The following STX8 variants were observed in gnomAD, a reference collection of about 807,000 sequenced individuals.
STX8 encodes the protein syntaxin 8.
STX8 carries 23 observed loss-of-function variants against 37.5 expected under a neutral mutation model. The ratio of observed to expected loss-of-function variants is 0.61; its 90% confidence interval spans 0.44 to 0.87. STX8 has a LOEUF of 0.87. Ranked by LOEUF, STX8 falls within the 40% of genes least tolerant of loss-of-function variation. The pLI, the probability that STX8 is intolerant of heterozygous loss-of-function variation, is 0.00. For missense variants in STX8, 313 were observed against 284.7 expected (o/e 1.10, Z -0.71); for synonymous variants, 115 against 99.1 (o/e 1.16, Z -0.95).
chr17:9,268,387 A>T (rs1907308395), intron 7 of STX8, among the ~76,000 whole-genome samples: 1 of 152,106 alleles, frequency 6.6e-6, no homozygotes, highest in Non-Finnish European at 1.5e-5. Context: ...TTAGAGTTTG[A>T]TCTAGGAAAT....
chr17:9,565,705 G>C (rs1488529808), intron 2 of STX8, among the ~76,000 whole-genome samples: 1 of 151,988 alleles, frequency 6.6e-6, no homozygotes, highest in African/African-American at 2.4e-5. Flanking sequence ...AACAAGCAAT[G>C]GGGGAAGGAT....
At chr17:9,352,408 CT>C (rs150063477) in intron 7 of STX8, among the ~76,000 whole-genome samples, 5,234 of 143,092 alleles carry the variant, frequency 0.037, 312 homozygotes, top group African/African-American at 0.13. Context: ...CTAATTTTAT[CT>C]TTTTTTTTTA....
intron 7 of STX8, among the ~76,000 whole-genome samples, chr17:9,262,546 TTGTTTTTTGG>T (rs1366212501): frequency 7.9e-5 from 12 of 151,868 alleles, no homozygotes; most frequent in Non-Finnish European, 1.5e-4. Flanking sequence ...TTTTGTTTCT[TTGTTTTTTGG>T]TGTTTTTTGT....
intron 6 of STX8, among the ~76,000 whole-genome samples, chr17:9,398,031 G>A (rs1373145168): frequency 6.7e-6 from 1 of 149,900 alleles, no homozygotes; most frequent in Non-Finnish European, 1.5e-5. Flanking sequence ...TAACATGATT[G>A]AATAATACGT....
intron 7 of STX8, among the ~76,000 whole-genome samples, chr17:9,260,579 G>A (rs1402405060): frequency 2.0e-5 from 3 of 152,064 alleles, no homozygotes; most frequent in East Asian, 1.9e-4. Context: ...AGCCGAGATC[G>A]TGCCACTGCA....
intron 7 of STX8, among the ~76,000 whole-genome samples, chr17:9,265,182 G>A (rs1264624720): frequency 2.7e-5 from 4 of 150,854 alleles, no homozygotes; most frequent in Non-Finnish European, 5.9e-5. Flanking sequence ...TCTCTTTCAC[G>A]GTCACATATC....
chr17:9,504,696 C>T (rs992179232), intron 5 of STX8, among the ~76,000 whole-genome samples: 4 of 152,012 alleles, frequency 2.6e-5, no homozygotes, highest in Admixed American at 1.3e-4. Flanking sequence ...ATCTGGTGGC[C>T]GGGCACGGTG....
At chr17:9,284,444 T>G (rs766733832) in intron 7 of STX8, among the ~76,000 whole-genome samples, 66 of 152,218 alleles carry the variant, frequency 4.3e-4, no homozygotes, top group Non-Finnish European at 8.4e-4. Flanking sequence ...TTCTTCTCAA[T>G]TCATACAGCA....
chr17:9,405,664 T>C (rs1162300475), intron 6 of STX8, among the ~76,000 whole-genome samples: 2 of 152,192 alleles, frequency 1.3e-5, no homozygotes, highest in South Asian at 2.1e-4. Flanking sequence ...GTAAATGTCA[T>C]GTTTGGCTTT....
intron 7 of STX8, among the ~76,000 whole-genome samples, chr17:9,335,787 G>T (rs12945819): frequency 0.15 from 22,686 of 149,968 alleles, 2,196 homozygotes; most frequent in African/African-American, 0.23. Flanking sequence ...ATACAACCAT[G>T]GCATTCAAGG....
At chr17:9,344,321 C>T (rs1201959565) in intron 7 of STX8, among the ~76,000 whole-genome samples, 3 of 149,888 alleles carry the variant, frequency 2.0e-5, no homozygotes, top group Admixed American at 6.7e-5. Context: ...CATGCAATGT[C>T]GTGATCTTGT....
intron 6 of STX8, among the ~76,000 whole-genome samples, chr17:9,400,291 A>T (rs999319522): frequency 6.6e-6 from 1 of 151,124 alleles, no homozygotes; most frequent in Non-Finnish European, 1.5e-5. Context: ...TTTAATAGAG[A>T]CGGGATTCAC....
At chr17:9,523,897 G>A (rs911119016) in intron 4 of STX8, among the ~76,000 whole-genome samples, 20 of 152,188 alleles carry the variant, frequency 1.3e-4, no homozygotes, top group African/African-American at 4.6e-4. Flanking sequence ...ATTTAAGAGT[G>A]TCAATGAATA....
intron 7 of STX8, among the ~76,000 whole-genome samples, chr17:9,344,295 C>G (rs1290846421): frequency 6.6e-6 from 1 of 151,024 alleles, no homozygotes; most frequent in Non-Finnish European, 1.5e-5. Flanking sequence ...GAGTCTCGCT[C>G]TGTTGCCCAG....
chr17:9,412,404 C>T (rs536301334), intron 6 of STX8, among the ~76,000 whole-genome samples: 12 of 152,008 alleles, frequency 7.9e-5, no homozygotes, highest in Admixed American at 3.9e-4. Flanking sequence ...CTCAGCCTCC[C>T]GAGTAGCTGG....
At chr17:9,332,772 T>C (rs970905503) in intron 7 of STX8, among the ~76,000 whole-genome samples, 4 of 152,234 alleles carry the variant, frequency 2.6e-5, no homozygotes, top group Admixed American at 1.3e-4. Flanking sequence ...GCTTACTGTT[T>C]ACTATCTCGA....
chr17:9,501,193 CT>C (rs1181930524), intron 5 of STX8, among the ~76,000 whole-genome samples: 1 of 152,064 alleles, frequency 6.6e-6, no homozygotes, highest in Non-Finnish European at 1.5e-5. Context: ...AGGAAGCTTT[CT>C]TTTGTAAAAT....
intron 7 of STX8, among the ~76,000 whole-genome samples, chr17:9,271,878 C>T (rs776407421): frequency 3.3e-5 from 5 of 152,000 alleles, no homozygotes; most frequent in Non-Finnish European, 7.4e-5. Context: ...AATAAAATAT[C>T]ATCTGTTACC....
intron 6 of STX8, among the ~76,000 whole-genome samples, chr17:9,411,636 T>C (rs1912981945): frequency 6.6e-6 from 1 of 152,192 alleles, no homozygotes; most frequent in African/African-American, 2.4e-5. Flanking sequence ...GTTAAAACAA[T>C]ATACATAACA....
Sources: allele counts gnomAD v4.1 joint callset (sites outside exome capture counted in the v4.1 genomes callset), GRCh38; gene constraint gnomAD v4.1.1; transcripts MANE v1.5; gene names NCBI Gene and HGNC (gene_info 2026-07-23, HGNC 2026-07-21).